Variants in RNF214 observed in about 807,000 individuals in gnomAD.
RNF214 encodes the protein ring finger protein 214.
In RNF214, 25 loss-of-function variants were observed where a neutral mutation model predicts 75.9. The observed-to-expected ratio is 0.33, with a 90% confidence interval of 0.24 to 0.46. The LOEUF (loss-of-function observed/expected upper bound fraction) is 0.46. Among genes scored for constraint, RNF214 ranks in the 20% least tolerant of loss-of-function variants. RNF214 has a pLI of 1.00. For synonymous variants in RNF214, 314 were observed against 308.8 expected, an observed-to-expected ratio of 1.02 and a Z score of -0.18; for missense variants, 725 against 857.5, an observed-to-expected ratio of 0.85 and a Z score of 1.93.
chr11:117,277,040 T>C (rs577803137), intron 6 of RNF214, among the ~76,000 whole-genome samples: 1 of 152,330 alleles, frequency 6.6e-6, no homozygotes, highest in Admixed American at 6.5e-5. Flanking sequence ...GCCTATAAAA[T>C]CTTTGTCTAA....
intron 5 of RNF214, among the ~76,000 whole-genome samples, chr11:117,245,918 G>A (rs945187094): frequency 1.3e-5 from 2 of 152,030 alleles, no homozygotes; most frequent in Admixed American, 1.3e-4. Flanking sequence ...TACTCTTATG[G>A]GTGGAAGTGG....
chr11:117,281,732 T>C lies in RNF214; in HGVS notation c.1335+34T>C, dbSNP rs752372589. 95 of 1,558,588 alleles carry C rather than the reference T, an allele frequency of 6.1e-5. 1 individual carries two copies. In the South Asian group the frequency reaches 9.2e-4, roughly 15 times the overall value. ...GTGGCTTTGGGGGGAAGTTCACCTT[T>C]CTGTGTTGGTAGCAGCAGCAGAGTC... On this transcript the variant is annotated intron_variant, in intron 10 of 14. Transcript: ENST00000300650.
chr11:117,235,915 A>G (rs2032894670), intron 2 of RNF214, among the ~76,000 whole-genome samples: 1 of 151,964 alleles, frequency 6.6e-6, no homozygotes, highest in Non-Finnish European at 1.5e-5. Flanking sequence ...GAGTCCATGA[A>G]TGTGGACCAC....
chr11:117,259,623 G>C (rs978051316), intron 6 of RNF214, among the ~76,000 whole-genome samples: 2 of 152,118 alleles, frequency 1.3e-5, no homozygotes, highest in Non-Finnish European at 2.9e-5. Context: ...TTATTTTTTA[G>C]AGATTGCAGA....
rs1565348808 is a variant in RNF214 at position 117,281,666 on chromosome 11, C to T, written c.1303C>T (p.Pro435Ser). The change falls in exon 10 of 15, where the codon CCT becomes TCT. Residue 435 changes from proline to serine, a missense_variant. Physicochemically the swap from Pro to Ser is moderately conservative, Grantham distance 74 (BLOSUM62 -1). Transcript: ENST00000300650. ...CAAGCTGAGCAGCCTTCCTCAAATC[C>T]CTACTCCCACTTTACCTCCACCCCC... ...GAKLSSLPQI[P>S]TPTLPPPPSE... The T allele has an allele frequency of 3.1e-6, 5 of 1,613,522 alleles. No individual in the cohort carries two copies. Among genetic ancestry groups the T allele is most frequent in the Non-Finnish European group, 4.2e-6 (5 of 1,179,706 alleles).
At chr11:117,251,735 G>C (rs910147241) in intron 6 of RNF214, among the ~76,000 whole-genome samples, 2 of 152,172 alleles carry the variant, frequency 1.3e-5, no homozygotes, top group African/African-American at 2.4e-5. Flanking sequence ...GACGTGAAGT[G>C]GGGGAGTGAG....
chr11:117,246,311 A>T (rs2033224130), intron 5 of RNF214, among the ~76,000 whole-genome samples: 1 of 151,928 alleles, frequency 6.6e-6, no homozygotes, highest in African/African-American at 2.4e-5. Flanking sequence ...GTTTGTACAT[A>T]TGTATATCTG....
At chr11:117,254,121 C>A (rs373773048) in intron 6 of RNF214, among the ~76,000 whole-genome samples, 1 of 151,980 alleles carries the variant, frequency 6.6e-6, no homozygotes, top group Non-Finnish European at 1.5e-5. Flanking sequence ...TGGTAGTGGC[C>A]GCCTGTAGTC....
At chr11:117,263,721 A>G (rs763185852) in intron 6 of RNF214, 62 of 159,550 alleles carry the variant, frequency 3.9e-4, no homozygotes, top group Non-Finnish European at 6.2e-4. Context: ...GGTGGCAGAA[A>G]CAAATTATGG....
In RNF214 at chr11:117,239,861, G is replaced by T; in HGVS notation, c.678+1G>T. Reference sequence around the variant, plus strand: ...AGATCAAGATATTGAAAAGAATTTGGTAAGTATTTAAACTGTCCTTGTTAT... The same window carrying T: ...AGATCAAGATATTGAAAAGAATTTGTTAAGTATTTAAACTGTCCTTGTTAT... On this transcript the variant is annotated splice_donor_variant, in intron 4 of 14. Transcript: ENST00000300650. LOFTEE classifies it high-confidence loss of function. The T allele has an allele frequency of 1.3e-6, 2 of 1,495,752 alleles. No individual in the cohort carries two copies. The highest frequency in any genetic ancestry group is 1.9e-6 in the Non-Finnish European group (2 of 1,072,668). 92.7% of individuals were successfully genotyped at this position (1,495,752 alleles called of 1,614,324 possible).
At chr11:117,268,188 A>AG (rs1321754232) in intron 6 of RNF214, among the ~76,000 whole-genome samples, 2 of 152,242 alleles carry the variant, frequency 1.3e-5, no homozygotes, top group African/African-American at 4.8e-5. Flanking sequence ...CTTTATCTGG[A>AG]GGAGAAACAA....
chr11:117,265,868 A>C (rs1565342171), intron 6 of RNF214, among the ~76,000 whole-genome samples: 1 of 152,214 alleles, frequency 6.6e-6, no homozygotes, highest in Non-Finnish European at 1.5e-5. Context: ...CTATTGCTCT[A>C]CAATGCTCCC....
At chr11:117,261,239 T>C (rs1334091753) in intron 6 of RNF214, among the ~76,000 whole-genome samples, 1 of 152,216 alleles carries the variant, frequency 6.6e-6, no homozygotes, top group East Asian at 1.9e-4. Context: ...CTGAGACTTA[T>C]TAAAATGAAT....
chr11:117,259,236 C>T (rs1230754198), intron 6 of RNF214, among the ~76,000 whole-genome samples: 1 of 152,168 alleles, frequency 6.6e-6, no homozygotes, highest in African/African-American at 2.4e-5. Context: ...GGATTATAGG[C>T]GTGAGCTACC....
At chr11:117,284,915 G>A (rs1048856957) in intron 14 of RNF214, among the ~76,000 whole-genome samples, 171 bp from the exon 15 acceptor site, 6 of 152,292 alleles carry the variant, frequency 3.9e-5, no homozygotes, top group Admixed American at 2.6e-4. Flanking sequence ...GGGCAATAGA[G>A]TGAGACTGGG....
chr11:117,274,382 G>A (rs1243147276), intron 6 of RNF214, among the ~76,000 whole-genome samples: 1 of 76,192 alleles, frequency 1.3e-5, no homozygotes, highest in East Asian at 5.3e-4. Flanking sequence ...TTTTTTTTGA[G>A]ATGGAGACTT....
chr11:117,274,326 A>G lies in RNF214; in HGVS notation c.960-5582A>G, dbSNP rs1355214719. On this transcript the variant is annotated intron_variant, in intron 6 of 14. Transcript: ENST00000300650. ...ACTAGATGAAGGGGAGAGAGGAGAA[A>G]GCCCCTAGTACTGGGAAAACAAATG... Among the ~76,000 whole-genome samples, 4 of 149,886 alleles carry G rather than the reference A, an allele frequency of 2.7e-5. No individual in the cohort carries two copies. In the East Asian group the frequency reaches 5.9e-4, roughly 22 times the overall value.
chr11:117,271,909 C>G (rs141538185), intron 6 of RNF214, among the ~76,000 whole-genome samples: 3,205 of 152,218 alleles, frequency 0.021, 58 homozygotes, highest in Non-Finnish European at 0.032. Flanking sequence ...ACCTCCTGGG[C>G]TTAAGCAGTC....
chr11:117,258,931 G>A (rs986787038), intron 6 of RNF214, among the ~76,000 whole-genome samples: 6 of 152,126 alleles, frequency 3.9e-5, no homozygotes, highest in South Asian at 2.1e-4. Flanking sequence ...CATGTTGTCC[G>A]TTTTTACTGT....
Sources: allele counts gnomAD v4.1 joint callset (sites outside exome capture counted in the v4.1 genomes callset), GRCh38; gene constraint gnomAD v4.1.1; transcripts MANE v1.5; gene names NCBI Gene and HGNC (gene_info 2026-07-23, HGNC 2026-07-21).